The following OPA1 variants were observed in gnomAD, a reference collection of about 807,000 sequenced individuals.
OPA1 encodes OPA1 mitochondrial dynamin like GTPase, also known as dynamin-like GTPase OPA1, mitochondrial.
A neutral mutation model predicts 152.9 loss-of-function variants in OPA1; 59 were observed. The observed-to-expected ratio is 0.39, with a 90% CI of 0.31 to 0.48. OPA1 has a LOEUF of 0.48. Ranked by LOEUF, OPA1 falls within the 20% of genes least tolerant of loss-of-function variation. The probability of loss-of-function intolerance (pLI) is 0.96; values close to 1 mark genes in which losing one functional copy is unlikely to be tolerated. For missense variants in OPA1, 1,008 were observed against 1,216.8 expected (o/e 0.83, Z 2.55); for synonymous variants, 400 against 389.9 (o/e 1.03, Z -0.31).
chr3:193,614,084 G>C (rs1361615357), intron 1 of OPA1: 2 of 448,956 alleles, frequency 4.5e-6, no homozygotes, highest in Non-Finnish European at 8.7e-6. Flanking sequence ...TACAGTCAAT[G>C]TGTACATTTA....
At chr3:193,689,677 A>C (rs769597120) in intron 29 of OPA1, among the ~76,000 whole-genome samples, 2 of 152,136 alleles carry the variant, frequency 1.3e-5, no homozygotes, top group Non-Finnish European at 2.9e-5. Context: ...GCAGTAGTCC[A>C]TCCAGCTTAA....
At chr3:193,597,646 G>A (rs866874043) in intron 1 of OPA1, among the ~76,000 whole-genome samples, 3 of 145,018 alleles carry the variant, frequency 2.1e-5, no homozygotes, top group Admixed American at 7.0e-5. Flanking sequence ...AGCAGAGATC[G>A]AGCCACTGCA....
At chr3:193,614,024 G>T in intron 1 of OPA1, 3 of 515,554 alleles carry the variant, frequency 5.8e-6, no homozygotes, top group South Asian at 4.2e-5. Flanking sequence ...TTAAGATATG[G>T]TTGTTGGTAA....
At chr3:193,656,343 C>T (rs190292293) in intron 22 of OPA1, among the ~76,000 whole-genome samples, 1 of 152,244 alleles carries the variant, frequency 6.6e-6, no homozygotes, top group African/African-American at 2.4e-5. Context: ...TATTTTTGGA[C>T]AGTCACTTTC....
intron 29 of OPA1, among the ~76,000 whole-genome samples, chr3:193,667,736 T>C (rs1171101021): frequency 6.6e-6 from 1 of 152,020 alleles, no homozygotes; most frequent in Non-Finnish European, 1.5e-5. Context: ...GAGAGTAAGT[T>C]GCTGACCTTA....
intron 29 of OPA1, among the ~76,000 whole-genome samples, chr3:193,667,611 C>T (rs1004346786): frequency 6.7e-4 from 94 of 139,962 alleles, no homozygotes; most frequent in African/African-American, 2.4e-3. Flanking sequence ...GCGGAGCTTG[C>T]GGTGAGCCAA....
At chr3:193,598,619 A>G (rs1320075965) in intron 1 of OPA1, among the ~76,000 whole-genome samples, 1 of 152,202 alleles carries the variant, frequency 6.6e-6, no homozygotes, top group Admixed American at 6.5e-5. Context: ...AATGTTTGCA[A>G]AAGAGTTATT....
At chr3:193,648,476 T>G (rs1460546573) in intron 20 of OPA1, 2 of 367,718 alleles carry the variant, frequency 5.4e-6, no homozygotes, top group African/African-American at 4.2e-5. Flanking sequence ...CCCCATTAGT[T>G]AATAAAACAC....
At chr3:193,677,301 T>C (rs1440567313) in intron 29 of OPA1, among the ~76,000 whole-genome samples, 1 of 149,022 alleles carries the variant, frequency 6.7e-6, no homozygotes, top group Admixed American at 6.7e-5. Context: ...CTTTTTTTTT[T>C]TTTTTTTTCT....
At position 193,593,411 on chromosome 3, in the gene OPA1, T is replaced by TAA; in HGVS notation, c.32+3_32+4dup. ...ACTACGTCGGGCCGCTGTGGCCTGG[T>TAA]AAGTGCAGGCTCTAATCTGGCCCCG... On this transcript the variant is annotated splice_region_variant and intron_variant, in intron 1 of 30. Transcript: ENST00000361510. 1.3e-6 allele frequency: 2 copies of TAA among 1,547,278 alleles called. No individual in the cohort carries two copies. The highest frequency in any genetic ancestry group is 8.7e-7 in the Non-Finnish European group (1 of 1,144,776).
intron 1 of OPA1, among the ~76,000 whole-genome samples, chr3:193,608,355 C>G (rs1727627094): frequency 1.3e-5 from 2 of 152,140 alleles, no homozygotes; most frequent in Admixed American, 6.5e-5. Context: ...TATAAATTTC[C>G]CTCTACACAC....
chr3:193,656,476 T>A (rs1389130816), intron 22 of OPA1, among the ~76,000 whole-genome samples: 1 of 152,236 alleles, frequency 6.6e-6, no homozygotes, highest in Non-Finnish European at 1.5e-5. Flanking sequence ...CATTAGGAGT[T>A]AGCTATAATA....
chr3:193,613,355 AC>A, intron 1 of OPA1, among the ~76,000 whole-genome samples: 1 of 118,274 alleles, frequency 8.5e-6, no homozygotes, highest in African/African-American at 3.1e-5. Context: ...CTTTAACAAT[AC>A]TTAAAAAAAA....
intron 21 of OPA1, among the ~76,000 whole-genome samples, chr3:193,653,871 T>A (rs778662252): frequency 1.3e-4 from 20 of 152,194 alleles, no homozygotes; most frequent in Non-Finnish European, 2.1e-4. Flanking sequence ...ATAAACTTAC[T>A]AAAATGGCTA....
At chr3:193,655,128 T>C in intron 22 of OPA1, 101 bp downstream of exon 22, 1 of 1,074,670 alleles carries the variant, frequency 9.3e-7, no homozygotes, top group Non-Finnish European at 1.4e-6. Context: ...TATCTTTCTT[T>C]TAGGTCTTTA....
At chr3:193,630,374 G>C (rs1310080171) in intron 7 of OPA1, among the ~76,000 whole-genome samples, 2 of 152,144 alleles carry the variant, frequency 1.3e-5, no homozygotes, top group Non-Finnish European at 2.9e-5. Context: ...AAGAAAAAAA[G>C]AGTGTACCTT....
intron 23 of OPA1, among the ~76,000 whole-genome samples, chr3:193,658,637 G>A (rs1024865747): frequency 5.9e-5 from 9 of 152,080 alleles, no homozygotes; most frequent in Non-Finnish European, 8.8e-5. Flanking sequence ...TATTACCCAC[G>A]CACCCCATAT....
rs1378962257 is a variant in OPA1, at chr3:193,647,095, T to A, written c.1785T>A (p.Thr595=). 1 of 1,613,050 alleles carries A rather than the reference T, an allele frequency of 6.2e-7. No homozygotes were observed. The highest frequency in any genetic ancestry group is 8.5e-7 in the Non-Finnish European group (1 of 1,179,628). The change falls in exon 19 of 31, where the codon ACT becomes ACA. Residue 595 remains threonine, a synonymous_variant. Transcript: ENST00000361510. ...GCATGCTAAAGGCACACCAAGTGAC[T>A]ACAAGAAATTTAAGCCTTGCAGTAT... ...KTSMLKAHQV[T]TRNLSLAVSD... is the part of the protein sequence containing the mutation.
At chr3:193,650,255 G>A (rs901515284) in intron 21 of OPA1, among the ~76,000 whole-genome samples, 6 of 152,144 alleles carry the variant, frequency 3.9e-5, no homozygotes, top group African/African-American at 1.4e-4. Flanking sequence ...AAAAGGCAAC[G>A]GTCAGATCTG....
Sources: allele counts gnomAD v4.1 joint callset (sites outside exome capture counted in the v4.1 genomes callset), GRCh38; gene constraint gnomAD v4.1.1; transcripts MANE v1.5; gene names NCBI Gene and HGNC (gene_info 2026-07-23, HGNC 2026-07-21).